Variants in KIAA0825 observed in about 807,000 individuals in gnomAD.
KIAA0825 encodes the protein KIAA0825.
In KIAA0825, 119 loss-of-function variants were observed where a neutral mutation model predicts 147.6. The ratio of observed to expected loss-of-function variants is 0.81; its 90% confidence interval spans 0.69 to 0.94. The LOEUF (loss-of-function observed/expected upper bound fraction) is 0.94, where lower values mean the gene tolerates loss of function less well. Ranked by LOEUF, KIAA0825 falls within the 40% of genes least tolerant of loss-of-function variation. KIAA0825 has a pLI of 0.00. For synonymous variants in KIAA0825, 470 were observed against 518.1 expected (o/e 0.91, Z 1.26); for missense variants, 1,381 against 1,472.7 (o/e 0.94, Z 1.02).
intron 1 of KIAA0825, among the ~76,000 whole-genome samples, chr5:94,599,331 G>GTTTTTTTTTT (rs57220290): frequency 7.1e-5 from 7 of 98,516 alleles, no homozygotes; most frequent in Non-Finnish European, 8.1e-5. Context: ...GATTATTTGG[G>GTTTTTTTTTT]TTTTTTTTTT....
Position 94,439,977 on chromosome 5 carries a change from C to T in KIAA0825, c.2497+5G>A. Reference sequence around the variant, plus strand: ...GAGGACATTCTTATAACTACACATACTCACTTGAGCTCTTCAGCAAGATTC... The same window carrying T: ...GAGGACATTCTTATAACTACACATATTCACTTGAGCTCTTCAGCAAGATTC... On this transcript the variant is annotated splice_donor_5th_base_variant and intron_variant, in intron 14 of 20. Transcript: ENST00000682413. 6.5e-7 allele frequency: 1 copy of T among 1,550,028 alleles called. No individual in the cohort carries two copies. Among genetic ancestry groups the T allele is most frequent in the Non-Finnish European group, 8.7e-7 (1 of 1,146,162 alleles).
At chr5:94,480,600 T>C (rs1357678704) in intron 6 of KIAA0825, among the ~76,000 whole-genome samples, 1 of 152,042 alleles carries the variant, frequency 6.6e-6, no homozygotes, top group East Asian at 1.9e-4. Context: ...GTTTAAGACT[T>C]ACGGAAAAAG....
At chr5:94,358,262 C>T (rs199814021) in intron 20 of KIAA0825, among the ~76,000 whole-genome samples, 10 of 152,172 alleles carry the variant, frequency 6.6e-5, no homozygotes, top group Non-Finnish European at 1.2e-4. Flanking sequence ...AACATAAGCA[C>T]GAATTCCCTC....
At chr5:94,227,719 A>G (rs1018592962) in intron 20 of KIAA0825, among the ~76,000 whole-genome samples, 2 of 151,908 alleles carry the variant, frequency 1.3e-5, no homozygotes, top group African/African-American at 4.8e-5. Flanking sequence ...AACTGTCACA[A>G]GGACAGAAAA....
At chr5:94,346,290 A>G (rs1490929623) in intron 20 of KIAA0825, among the ~76,000 whole-genome samples, 1 of 152,178 alleles carries the variant, frequency 6.6e-6, no homozygotes, top group Admixed American at 6.5e-5. Context: ...TAATTGATCA[A>G]ATTAGATAAC....
Position 94,154,106 on chromosome 5 carries a change from A to G in KIAA0825, c.3729T>C (p.Asp1243=), listed in dbSNP as rs1328246944. The G allele has an allele frequency of 1.9e-6, 3 of 1,550,854 alleles. No individual in the cohort carries two copies. The highest frequency in any genetic ancestry group is 1.7e-6 in the Non-Finnish European group (2 of 1,146,252). ...LLKNRWEMKK[D]ETLEEEEKAI... ...CTTTTTCTTCCTCTTCTAGTGTTTC[A>G]TCCTTCTTCATTTCCCACCTAAAAG... The change falls in exon 21 of 21, where the codon GAT becomes GAC. Residue 1243 remains aspartate, a synonymous_variant. Coordinates refer to ENST00000682413, the MANE Select transcript of KIAA0825 (RefSeq NM_001145678.3).
chr5:94,476,448 A>G (rs1286246382), intron 7 of KIAA0825, among the ~76,000 whole-genome samples: 1 of 152,202 alleles, frequency 6.6e-6, no homozygotes, highest in Admixed American at 6.5e-5. Context: ...CCTGCCAGGT[A>G]GAACTGAAGT....
Position 94,534,098 on chromosome 5 carries a change from T to C in KIAA0825, c.131+2898A>G, listed in dbSNP as rs1274607154. On this transcript the variant is annotated intron_variant, in intron 3 of 20. Transcript: ENST00000682413. ...TAAAATGAATTACTAATGTTGTTTT[T>C]TTCTTTTAAAACTATGGAGGAAAAC... Among the ~76,000 whole-genome samples, 4 of 152,246 alleles carry C rather than the reference T, an allele frequency of 2.6e-5. No homozygotes were observed. In the East Asian group the frequency reaches 7.7e-4, roughly 29 times the overall value.
intron 3 of KIAA0825, among the ~76,000 whole-genome samples, chr5:94,525,980 G>A (rs1164052496): frequency 6.6e-6 from 1 of 151,966 alleles, no homozygotes; most frequent in Non-Finnish European, 1.5e-5. Flanking sequence ...ATTATAAAAT[G>A]TCAGAACTAA....
chr5:94,356,364 T>C (rs1282514205), intron 20 of KIAA0825, among the ~76,000 whole-genome samples: 2 of 151,834 alleles, frequency 1.3e-5, no homozygotes, highest in African/African-American at 2.4e-5. Context: ...TCCCAGCACT[T>C]TGGGAGGCCG....
chr5:94,525,417 A>G (rs1287825187), intron 3 of KIAA0825, among the ~76,000 whole-genome samples: 1 of 151,944 alleles, frequency 6.6e-6, no homozygotes, highest in Non-Finnish European at 1.5e-5. Flanking sequence ...AAACAAATAC[A>G]TTCTGAGAAT....
intron 20 of KIAA0825, among the ~76,000 whole-genome samples, chr5:94,369,876 A>T (rs546116115): frequency 1.3e-5 from 2 of 152,294 alleles, no homozygotes; most frequent in South Asian, 4.1e-4. Context: ...ACAAGAAGCC[A>T]TAGTTTCAGC....
chr5:94,430,956 C>T (rs557932394), intron 14 of KIAA0825, among the ~76,000 whole-genome samples: 2 of 152,226 alleles, frequency 1.3e-5, no homozygotes, highest in Non-Finnish European at 2.9e-5. Flanking sequence ...ATGACAGCTG[C>T]TAGGCAACAC....
intron 13 of KIAA0825, among the ~76,000 whole-genome samples, chr5:94,442,753 GA>G (rs1757245631): frequency 6.6e-6 from 1 of 152,120 alleles, no homozygotes; most frequent in Non-Finnish European, 1.5e-5. Flanking sequence ...TGCTTGAGTT[GA>G]GTGCTAACTT....
chr5:94,610,815 AG>A (rs1788627848), intron 1 of KIAA0825, among the ~76,000 whole-genome samples: 1 of 146,478 alleles, frequency 6.8e-6, no homozygotes, highest in African/African-American at 2.5e-5. Context: ...ATAAATAAAA[AG>A]ATTAAAAAAA....
At position 94,411,202 on chromosome 5, in the gene KIAA0825, C is replaced by T. The variant is rs1172217526; in HGVS notation, c.2662+5999G>A. On this transcript the variant is annotated intron_variant, in intron 15 of 20. Transcript: ENST00000682413. ...ATTGTAAACCCTGGAGCAACTACTACAGTAAATAAAGAAGCCATTAGAAAA... is the reference window on the plus strand; with the variant it reads ...ATTGTAAACCCTGGAGCAACTACTATAGTAAATAAAGAAGCCATTAGAAAA... Among the ~76,000 whole-genome samples, 3 of 151,818 alleles carry T rather than the reference C, an allele frequency of 2.0e-5. No homozygotes were observed. In the East Asian group the frequency reaches 5.8e-4, roughly 29 times the overall value.
At chr5:94,528,444 C>T (rs959462548) in intron 3 of KIAA0825, among the ~76,000 whole-genome samples, 2 of 152,196 alleles carry the variant, frequency 1.3e-5, no homozygotes, top group African/African-American at 4.8e-5. Context: ...TCTGGCCATT[C>T]ACACCTAGTG....
intron 20 of KIAA0825, among the ~76,000 whole-genome samples, chr5:94,238,227 G>A (rs1361155952): frequency 6.6e-6 from 1 of 152,148 alleles, no homozygotes; most frequent in Admixed American, 6.5e-5. Flanking sequence ...CAAAATGGTA[G>A]CTCAAGATCA....
intron 20 of KIAA0825, among the ~76,000 whole-genome samples, chr5:94,298,593 AT>A (rs1778247834): frequency 6.6e-6 from 1 of 152,152 alleles, no homozygotes; most frequent in East Asian, 1.9e-4. Context: ...TTGAGGTTCC[AT>A]TTCATCTGTT....
Sources: allele counts gnomAD v4.1 joint callset (sites outside exome capture counted in the v4.1 genomes callset), GRCh38; gene constraint gnomAD v4.1.1; transcripts MANE v1.5; gene names NCBI Gene and HGNC (gene_info 2026-07-23, HGNC 2026-07-21).